Variants in AMPH observed in about 807,000 individuals in gnomAD.
AMPH encodes amphiphysin, also known as amphiphysin (Stiff-Mann syndrome with breast cancer 128kD autoantigen).
Under a neutral mutation model 99.1 loss-of-function variants are expected in AMPH, and 49 were observed. The ratio of observed to expected loss-of-function variants is 0.49; its 90% confidence interval spans 0.39 to 0.63. The LOEUF is 0.63. Among genes scored for constraint, AMPH ranks in the 20% least tolerant of loss-of-function variants. The probability of loss-of-function intolerance (pLI) is 0.00; values close to 1 mark genes in which losing one functional copy is unlikely to be tolerated. For synonymous variants in AMPH, 314 were observed against 317.3 expected (o/e 0.99, Z 0.11); for missense variants, 759 against 863.4 (o/e 0.88, Z 1.52).
chr7:38,547,588 A>C (rs1419971318), intron 1 of AMPH, among the ~76,000 whole-genome samples: 1 of 152,212 alleles, frequency 6.6e-6, no homozygotes, highest in Non-Finnish European at 1.5e-5. Flanking sequence ...ATCTGAGACA[A>C]GTCTCAGTCA....
intron 7 of AMPH, among the ~76,000 whole-genome samples, chr7:38,473,875 T>C (rs993046693): frequency 6.6e-6 from 1 of 152,048 alleles, no homozygotes; most frequent in African/African-American, 2.4e-5. Context: ...AAATAGATAT[T>C]TGTTTTATCT....
chr7:38,445,006 TATATAC>T lies in AMPH; in HGVS notation c.1018-8624_1018-8619del, dbSNP rs899845209. 1.2e-4 allele frequency among the ~76,000 whole-genome samples: 15 copies of T among 127,828 alleles called. No homozygotes were observed. In the East Asian group the frequency reaches 2.2e-3, roughly 18 times the overall value. 83.9% of individuals were successfully genotyped at this position (127,828 alleles called of 152,430 possible). ...ATATATATACATATATATATATATA[TATATAC>T]ACACACACACACGGTATATACATAT... On this transcript the variant is annotated intron_variant, in intron 11 of 20. Coordinates refer to ENST00000356264, the MANE Select transcript of AMPH (RefSeq NM_001635.4).
At chr7:38,613,890 C>T (rs915479897) in intron 1 of AMPH, among the ~76,000 whole-genome samples, 9 of 152,032 alleles carry the variant, frequency 5.9e-5, no homozygotes, top group African/African-American at 1.9e-4. Flanking sequence ...ACCCAGGATG[C>T]CACAGCAGTT....
At chr7:38,520,030 A>T (rs1330361091) in intron 2 of AMPH, among the ~76,000 whole-genome samples, 2 of 152,142 alleles carry the variant, frequency 1.3e-5, no homozygotes, top group African/African-American at 2.4e-5. Flanking sequence ...AAAAAATAAA[A>T]AATCATCTTG....
At chr7:38,514,287 G>T (rs1789653847) in intron 2 of AMPH, among the ~76,000 whole-genome samples, 1 of 152,138 alleles carries the variant, frequency 6.6e-6, no homozygotes, top group South Asian at 2.1e-4. Flanking sequence ...TGCCTCAATA[G>T]TTACCTGCTA....
intron 1 of AMPH, among the ~76,000 whole-genome samples, chr7:38,566,529 A>T (rs1427144171): frequency 6.6e-6 from 1 of 152,188 alleles, no homozygotes; most frequent in Non-Finnish European, 1.5e-5. Flanking sequence ...ATGGCAACAA[A>T]AGCCAAAATA....
At chr7:38,539,304 T>C (rs1562815358) in intron 1 of AMPH, among the ~76,000 whole-genome samples, 4 of 152,060 alleles carry the variant, frequency 2.6e-5, no homozygotes, top group African/African-American at 7.3e-5. Flanking sequence ...CAGATCACAG[T>C]AGATTGAGCA....
chr7:38,493,623 T>C (rs1191266252), intron 4 of AMPH, among the ~76,000 whole-genome samples: 3 of 152,170 alleles, frequency 2.0e-5, no homozygotes, highest in Admixed American at 6.5e-5. Context: ...TTAAGACATG[T>C]CTAGGGCCAA....
At chr7:38,391,260 T>TC (rs1256212434) in intron 19 of AMPH, among the ~76,000 whole-genome samples, 1 of 152,216 alleles carries the variant, frequency 6.6e-6, no homozygotes, top group Non-Finnish European at 1.5e-5. Flanking sequence ...GCCTTTTTTT[T>TC]CTGCCTTTTG....
At chr7:38,429,245 C>T in intron 14 of AMPH, 1 of 1,287,260 alleles carries the variant, frequency 7.8e-7, no homozygotes, top group Non-Finnish European at 1.0e-6. Context: ...CAACTCCAGC[C>T]TCCGGCGCAG....
intron 11 of AMPH, among the ~76,000 whole-genome samples, chr7:38,439,885 G>A (rs1362124110): frequency 6.6e-6 from 1 of 152,058 alleles, no homozygotes; most frequent in East Asian, 1.9e-4. Context: ...GAGCATAATC[G>A]GCATGCCTAG....
At chr7:38,631,156 T>G in intron 1 of AMPH, 127 bp downstream of exon 1, 2 of 835,324 alleles carry the variant, frequency 2.4e-6, no homozygotes, top group Non-Finnish European at 3.1e-6. Flanking sequence ...CCAGCGTCCC[T>G]GGCCCCGGCC....
At chr7:38,494,555 T>C (rs1481115107) in intron 3 of AMPH, 28 bp from the exon 4 acceptor site, 2 of 1,584,270 alleles carry the variant, frequency 1.3e-6, no homozygotes, top group Non-Finnish European at 1.7e-6. Context: ...CAACTCCCGT[T>C]ACACAGAAAT....
intron 2 of AMPH, among the ~76,000 whole-genome samples, chr7:38,513,898 C>T (rs1211377377): frequency 6.6e-6 from 1 of 152,134 alleles, no homozygotes; most frequent in Non-Finnish European, 1.5e-5. Flanking sequence ...TAAATGAGTC[C>T]CTTTCACATA....
chr7:38,571,672 A>T (rs892541756), intron 1 of AMPH, among the ~76,000 whole-genome samples: 1 of 137,146 alleles, frequency 7.3e-6, no homozygotes, highest in Non-Finnish European at 1.7e-5. Context: ...ATTACAAAAA[A>T]CCTCTAAAAA....
chr7:38,606,548 G>A (rs1307477526), intron 1 of AMPH, among the ~76,000 whole-genome samples: 6 of 148,164 alleles, frequency 4.0e-5, no homozygotes, highest in Non-Finnish European at 7.4e-5. Context: ...ACTGTGGCAC[G>A]TCTCAGAACG....
intron 11 of AMPH, among the ~76,000 whole-genome samples, chr7:38,457,969 A>T (rs1787297466): frequency 6.6e-6 from 1 of 152,136 alleles, no homozygotes; most frequent in Admixed American, 6.6e-5. Context: ...TATGTCATAC[A>T]ATGACATATA....
intron 1 of AMPH, among the ~76,000 whole-genome samples, chr7:38,596,092 TG>T (rs768320406): frequency 4.6e-5 from 7 of 152,228 alleles, no homozygotes; most frequent in Non-Finnish European, 4.4e-5. Flanking sequence ...ATAAGATTGC[TG>T]GGTCAAATAG....
chr7:38,423,000 A>C (rs1362380625), intron 15 of AMPH, among the ~76,000 whole-genome samples: 1 of 152,234 alleles, frequency 6.6e-6, no homozygotes. Context: ...GTAAGTTTTA[A>C]TAATAGTTAT....
Sources: allele counts gnomAD v4.1 joint callset (sites outside exome capture counted in the v4.1 genomes callset), GRCh38; gene constraint gnomAD v4.1.1; transcripts MANE v1.5; gene names NCBI Gene and HGNC (gene_info 2026-07-23, HGNC 2026-07-21).